LRRTM4: variants seen among roughly 807,000 people sequenced by gnomAD.
LRRTM4 encodes the protein leucine rich repeat transmembrane neuronal 4.
Under a neutral mutation model 47.6 loss-of-function variants are expected in LRRTM4, and 25 were observed. The observed-to-expected ratio is 0.53, with a 90% CI of 0.38 to 0.73. The LOEUF (loss-of-function observed/expected upper bound fraction) is 0.73, where lower values mean the gene tolerates loss of function less well. Ranked by LOEUF, LRRTM4 falls within the 30% of genes least tolerant of loss-of-function variation. The pLI, the probability that LRRTM4 is intolerant of heterozygous loss-of-function variation, is 0.00. For synonymous variants in LRRTM4, 311 were observed against 269.5 expected, an observed-to-expected ratio of 1.15 and a Z score of -1.51; for missense variants, 638 against 713.4, an observed-to-expected ratio of 0.89 and a Z score of 1.20.
intron 3 of LRRTM4, among the ~76,000 whole-genome samples, chr2:76,970,621 G>A (rs1387519094): frequency 6.6e-6 from 1 of 151,946 alleles, no homozygotes; most frequent in Non-Finnish European, 1.5e-5. Flanking sequence ...TGAGACTTGC[G>A]ATTTCTCACA....
intron 3 of LRRTM4, among the ~76,000 whole-genome samples, chr2:76,761,870 T>C (rs1457557284): frequency 6.6e-6 from 1 of 152,228 alleles, no homozygotes; most frequent in Non-Finnish European, 1.5e-5. Flanking sequence ...TAAAGCAACC[T>C]GATGCTCAAA....
chr2:76,995,000 G>C (rs2104003556), intron 3 of LRRTM4, among the ~76,000 whole-genome samples: 1 of 152,040 alleles, frequency 6.6e-6, no homozygotes, highest in Middle Eastern at 3.4e-3. Flanking sequence ...AAGTTCCAAG[G>C]GTAGACCTCA....
intron 3 of LRRTM4, among the ~76,000 whole-genome samples, chr2:77,441,149 C>G (rs1173785809): frequency 6.6e-6 from 1 of 152,134 alleles, no homozygotes; most frequent in Non-Finnish European, 1.5e-5. Flanking sequence ...TGAAGATGAT[C>G]TGGTATAATT....
intron 3 of LRRTM4, among the ~76,000 whole-genome samples, chr2:77,302,532 G>A (rs1375166053): frequency 1.3e-5 from 2 of 152,180 alleles, no homozygotes; most frequent in Non-Finnish European, 2.9e-5. Context: ...CTTTAGCAGT[G>A]TTGTTTTGAT....
intron 3 of LRRTM4, among the ~76,000 whole-genome samples, chr2:77,247,589 C>T (rs545921445): frequency 1.3e-5 from 2 of 152,150 alleles, no homozygotes; most frequent in East Asian, 1.9e-4. Flanking sequence ...TACAAACTAC[C>T]TAATAACTCT....
chr2:76,832,430 C>A (rs151254441), intron 3 of LRRTM4, among the ~76,000 whole-genome samples: 176 of 147,392 alleles, frequency 1.2e-3, no homozygotes, highest in Non-Finnish European at 1.9e-3. Flanking sequence ...TTCTAACACA[C>A]AGTTTCAGTG....
chr2:77,153,116 G>A (rs1672472953), intron 3 of LRRTM4, among the ~76,000 whole-genome samples: 1 of 152,042 alleles, frequency 6.6e-6, no homozygotes, highest in Non-Finnish European at 1.5e-5. Context: ...TTCCTCTGCT[G>A]TCCATTCTGC....
intron 3 of LRRTM4, among the ~76,000 whole-genome samples, chr2:76,939,792 G>A (rs1675075188): frequency 6.6e-6 from 1 of 151,772 alleles, no homozygotes; most frequent in Admixed American, 6.6e-5. Context: ...CATCTAACTG[G>A]TCATACATAG....
chr2:76,796,113 T>TA lies in LRRTM4; in HGVS notation c.1552-47198dup, dbSNP rs555368038. On this transcript the variant is annotated intron_variant, in intron 3 of 3. Transcript: ENST00000409884. The stretch of plus-strand genomic sequence containing the variant: ...GAATACTGCGCTTTTCAGACAGGCT[T>TA]AAAAAAACGGCACACCACAAGATTA... 7.1e-5 allele frequency among the ~76,000 whole-genome samples: 10 copies of TA among 140,258 alleles called. 1 individual carries two copies. The highest frequency in any genetic ancestry group is 2.1e-4 in the African/African-American group (8 of 37,888). The allele number at this position is 140,258 out of a possible 152,430, so 92.0% of individuals were successfully genotyped here. A position where few individuals can be genotyped will look rare whatever the true frequency, so the allele number is the denominator to read the frequency against.
At chr2:77,387,906 T>C (rs1051035432) in intron 3 of LRRTM4, among the ~76,000 whole-genome samples, 6 of 152,096 alleles carry the variant, frequency 3.9e-5, no homozygotes, top group Non-Finnish European at 8.8e-5. Context: ...ACATTCCACT[T>C]CATTGATAGT....
At chr2:77,241,915 C>T (rs1446591930) in intron 3 of LRRTM4, among the ~76,000 whole-genome samples, 2 of 152,066 alleles carry the variant, frequency 1.3e-5, no homozygotes, top group African/African-American at 4.8e-5. Flanking sequence ...ATTGAATGAT[C>T]TTGATCCCCT....
At position 77,480,825 on chromosome 2, in the gene LRRTM4, GAGAGAGAGAGAGAGA is replaced by G. The variant is rs1298091357; in HGVS notation, c.1551+37478_1551+37492del. Among the ~76,000 whole-genome samples, 252 of 25,468 alleles carry G rather than the reference GAGAGAGAGAGAGAGA, an allele frequency of 9.9e-3. 2 individuals are homozygous for G. The highest frequency in any genetic ancestry group is 0.023 in the African/African-American group (198 of 8,622). 16.7% of individuals were successfully genotyped at this position (25,468 alleles called of 152,430 possible). A position where few individuals can be genotyped will look rare whatever the true frequency, so the allele number is the denominator to read the frequency against. ...GTGTGTGTGTGTGTGTGTGTGTGGA[GAGAGAGAGAGAGAGA>G]GAGAGAGAGAGAGAGAGAGAGAGAG... On this transcript the variant is annotated intron_variant, in intron 3 of 3. Transcript: ENST00000409884.
At chr2:77,437,107 A>C (rs765616276) in intron 3 of LRRTM4, among the ~76,000 whole-genome samples, 3 of 152,056 alleles carry the variant, frequency 2.0e-5, no homozygotes, top group Non-Finnish European at 2.9e-5. Flanking sequence ...AAGGGTAGCC[A>C]TTTTAATTAA....
chr2:76,969,360 G>A (rs376161307), intron 3 of LRRTM4, among the ~76,000 whole-genome samples: 57 of 151,798 alleles, frequency 3.8e-4, no homozygotes, highest in East Asian at 2.0e-3. Flanking sequence ...ACATGGAGAC[G>A]GAAAAATTCA....
At chr2:77,389,847 T>C (rs1312250710) in intron 3 of LRRTM4, among the ~76,000 whole-genome samples, 1 of 152,014 alleles carries the variant, frequency 6.6e-6, no homozygotes, top group Non-Finnish European at 1.5e-5. Flanking sequence ...CTTGAGCACC[T>C]AATATGTGGC....
At chr2:77,465,531 A>G (rs1558756167) in intron 3 of LRRTM4, among the ~76,000 whole-genome samples, 1 of 152,078 alleles carries the variant, frequency 6.6e-6, no homozygotes, top group East Asian at 1.9e-4. Flanking sequence ...ATCAGAAGAG[A>G]TCTTCTTTAA....
intron 3 of LRRTM4, among the ~76,000 whole-genome samples, chr2:76,994,511 C>T (rs10190510): frequency 0.5 from 76,397 of 151,520 alleles, 19,966 homozygotes; most frequent in African/African-American, 0.64. Flanking sequence ...AATAAAATCC[C>T]ATGTCTCTGA....
intron 3 of LRRTM4, among the ~76,000 whole-genome samples, chr2:76,840,905 C>G (rs189118701): frequency 0.069 from 10,538 of 151,772 alleles, 390 homozygotes; most frequent in Middle Eastern, 0.14. Context: ...TACCATTTGA[C>G]CCAGCCATCC....
intron 3 of LRRTM4, among the ~76,000 whole-genome samples, chr2:76,807,955 TTTTCTTTTTC>T (rs1196394286): frequency 6.7e-6 from 1 of 149,400 alleles, no homozygotes; most frequent in East Asian, 2.0e-4. Flanking sequence ...CTTTCTTTCT[TTTTCTTTTTC>T]TTTCCTTCCT....
Sources: gnomAD v4.1 joint callset for allele counts (sites outside exome capture counted in the v4.1 genomes callset) on GRCh38, gnomAD v4.1.1 for gene constraint, MANE v1.5 for transcripts, NCBI Gene and HGNC (gene_info 2026-07-23, HGNC 2026-07-21) for gene names.